The following GLB1 variants were observed in gnomAD, a reference collection of about 807,000 sequenced individuals.
GLB1 encodes the protein beta-galactosidase.
In GLB1, 56 loss-of-function variants were observed where a neutral mutation model predicts 74.0. The observed-to-expected ratio is 0.76, with a 90% CI of 0.61 to 0.94. GLB1 has a LOEUF of 0.94. Ranked by LOEUF, GLB1 falls within the 40% of genes least tolerant of loss-of-function variation. The pLI is 0.00. For synonymous variants in GLB1, 323 were observed against 323.6 expected (o/e 1.00, Z 0.02); for missense variants, 787 against 845.5 (o/e 0.93, Z 0.86).
chr3:32,978,182 G>C, the GLB1 span, among the ~76,000 whole-genome samples: 2 of 152,192 alleles, frequency 1.3e-5, no homozygotes, highest in Non-Finnish European at 2.9e-5. Flanking sequence ...GTTTGGGTGA[G>C]AGAACTGTCT....
At chr3:33,038,011 C>A (rs548310253) in intron 10 of GLB1, 2 of 84,046 alleles carry the variant, frequency 2.4e-5, no homozygotes, top group Non-Finnish European at 4.3e-5. Flanking sequence ...CAATACTGGG[C>A]GACTCTTCAA....
At chr3:33,051,090 G>T (rs1174040542) in intron 9 of GLB1, among the ~76,000 whole-genome samples, 1 of 151,744 alleles carries the variant, frequency 6.6e-6, no homozygotes, top group African/African-American at 2.4e-5. Context: ...AAAATTAGCT[G>T]GGTGTGGTGG....
At chr3:33,046,574 G>A (rs1424955218) in intron 9 of GLB1, among the ~76,000 whole-genome samples, 2 of 152,040 alleles carry the variant, frequency 1.3e-5, no homozygotes, top group African/African-American at 2.4e-5. Context: ...AAGCAGTAAT[G>A]GCAGGGCTTA....
intron 15 of GLB1, among the ~76,000 whole-genome samples, chr3:33,002,140 C>T (rs2125448366): frequency 6.6e-6 from 1 of 152,246 alleles, no homozygotes; most frequent in African/African-American, 2.4e-5. Flanking sequence ...AAGTGACTTT[C>T]TCTGACCACG....
chr3:33,077,501 C>A, intron 1 of GLB1: 1 of 724,450 alleles, frequency 1.4e-6, no homozygotes, highest in Non-Finnish European at 2.1e-6. Flanking sequence ...AAAAGGGAAC[C>A]TCCCACTTCA....
At position 33,016,698 on chromosome 3, in the gene GLB1, G is replaced by A. The variant is rs369789589; in HGVS notation, c.1479+11C>T. ...CTTAAACCTTAGTCTTGACAGTGTG[G>A]TTTGTCCTACCTTAAAATCGTTGAT... On this transcript the variant is annotated intron_variant, in intron 14 of 15. Coordinates refer to ENST00000307363, the MANE Select transcript of GLB1 (RefSeq NM_000404.4). 468 of 1,613,450 alleles carry A rather than the reference G, an allele frequency of 2.9e-4. No homozygotes were observed. Among genetic ancestry groups the A allele is most frequent in the Non-Finnish European group, 3.7e-4 (442 of 1,179,618 alleles).
intron 1 of GLB1, among the ~76,000 whole-genome samples, chr3:33,075,336 G>A (rs1196944112): frequency 6.6e-6 from 1 of 152,210 alleles, no homozygotes; most frequent in Non-Finnish European, 1.5e-5. Context: ...AAGTGAAAAA[G>A]TTCAGAGGAG....
chr3:33,076,250 C>T (rs560335860), intron 1 of GLB1, among the ~76,000 whole-genome samples: 3 of 152,172 alleles, frequency 2.0e-5, no homozygotes, highest in Non-Finnish European at 2.9e-5. Context: ...GAGAAAACTG[C>T]GTGTGAGGCC....
At chr3:33,027,478 A>G (rs117935295) in intron 10 of GLB1, among the ~76,000 whole-genome samples, 1,883 of 152,366 alleles carry the variant, frequency 0.012, 65 homozygotes, top group East Asian at 0.073. Flanking sequence ...AAGGCGCCAC[A>G]GGCCACAGAG....
At position 33,051,739 on chromosome 3, in the gene GLB1, GAT is replaced by G. The variant is rs769529357; in HGVS notation, c.955+17_955+18del. The G allele has an allele frequency of 6.2e-7, 1 of 1,614,038 alleles. No individual in the cohort carries two copies. Among genetic ancestry groups the G allele is most frequent in the Admixed American group, 1.7e-5 (1 of 60,024 alleles). The stretch of plus-strand genomic sequence containing the variant: ...AAACATTCTAGCATAAGTTTCTACA[GAT>G]ATTAAAGTGCTCTTACCATTCCAAT... On this transcript the variant is annotated intron_variant, in intron 9 of 15. Transcript: ENST00000307363.
chr3:33,031,472 C>T (rs369248203), intron 10 of GLB1, among the ~76,000 whole-genome samples: 3 of 151,070 alleles, frequency 2.0e-5, no homozygotes, highest in Non-Finnish European at 4.4e-5. Flanking sequence ...GGCGAAACTC[C>T]GTCTCTACTA....
At chr3:33,059,304 C>T (rs1386880109) in intron 5 of GLB1, among the ~76,000 whole-genome samples, 1 of 142,928 alleles carries the variant, frequency 7.0e-6, no homozygotes, top group South Asian at 2.2e-4. Flanking sequence ...GCAAATAAAC[C>T]AATATACAAT....
chr3:33,017,982 G>A (rs1318991524), intron 13 of GLB1, among the ~76,000 whole-genome samples: 2 of 152,062 alleles, frequency 1.3e-5, no homozygotes, highest in Admixed American at 6.6e-5. Context: ...ACAGCTAAGG[G>A]TCACCAAGAA....
the GLB1 span, among the ~76,000 whole-genome samples, chr3:32,962,114 A>G: frequency 6.6e-6 from 1 of 151,984 alleles, no homozygotes; most frequent in Non-Finnish European, 1.5e-5. Flanking sequence ...GAATCGATTA[A>G]ACCCAGGAGG....
At chr3:33,071,387 G>T (rs190967835) in intron 2 of GLB1, among the ~76,000 whole-genome samples, 1 of 152,182 alleles carries the variant, frequency 6.6e-6, no homozygotes, top group Non-Finnish European at 1.5e-5. Context: ...CATCAGCACT[G>T]CAAGAGCCAG....
chr3:33,074,382 AAGGAAGG>A (rs1208005227), intron 1 of GLB1, among the ~76,000 whole-genome samples: 12 of 126,324 alleles, frequency 9.5e-5, no homozygotes, highest in African/African-American at 3.0e-4. Flanking sequence ...GGAAGGAAGG[AAGGAAGG>A]AAGAAAGAAA....
chr3:33,003,083 C>A (rs779219637), intron 15 of GLB1, among the ~76,000 whole-genome samples: 12 of 152,194 alleles, frequency 7.9e-5, no homozygotes, highest in Admixed American at 3.3e-4. Flanking sequence ...GCAGCTGACG[C>A]AAATCACACT....
the GLB1 span, among the ~76,000 whole-genome samples, chr3:32,976,763 T>C: frequency 6.6e-6 from 1 of 152,136 alleles, no homozygotes; most frequent in African/African-American, 2.4e-5. Context: ...GGAATATAGA[T>C]GGGACAGGTT....
intron 1 of GLB1, among the ~76,000 whole-genome samples, chr3:33,084,452 T>C (rs1035208198): frequency 6.6e-6 from 1 of 152,176 alleles, no homozygotes; most frequent in African/African-American, 2.4e-5. Flanking sequence ...ATGGTGATAA[T>C]CTATATGGAG....
Sources: allele counts gnomAD v4.1 joint callset (sites outside exome capture counted in the v4.1 genomes callset), GRCh38; gene constraint gnomAD v4.1.1; transcripts MANE v1.5; gene names NCBI Gene and HGNC (gene_info 2026-07-23, HGNC 2026-07-21).